Variants in NDST4 observed in about 807,000 individuals in gnomAD.
The protein encoded by NDST4 is N-heparan sulfate sulfotransferase 4.
Under a neutral mutation model 100.8 loss-of-function variants are expected in NDST4, and 63 were observed. That is an observed-to-expected ratio of 0.62 (90% confidence interval 0.51 to 0.77). The LOEUF is 0.77. NDST4 is among the 30% of genes least tolerant of loss of function. NDST4 has a pLI of 0.00. For synonymous variants in NDST4, 377 were observed against 361.8 expected, an observed-to-expected ratio of 1.04 and a Z score of -0.48; for missense variants, 943 against 1,018.4, an observed-to-expected ratio of 0.93 and a Z score of 1.01.
At chr4:114,867,665 C>CAAAAAAAAAAAAAAAAAAAAAAAAAAAA in intron 7 of NDST4, among the ~76,000 whole-genome samples, 112 of 79,740 alleles carry the variant, frequency 1.4e-3, no homozygotes, top group South Asian at 1.7e-3. Flanking sequence ...AAAAAAAAAG[C>CAAAAAAAAAAAAAAAAAAAAAAAAAAAA]AAAAAAAAAA....
At chr4:114,929,101 C>CATCT (rs1560817055) in intron 6 of NDST4, among the ~76,000 whole-genome samples, 12 of 129,752 alleles carry the variant, frequency 9.2e-5, no homozygotes, top group African/African-American at 2.9e-4. Context: ...TCCATCCATC[C>CATCT]ATCCATCCAT....
intron 6 of NDST4, among the ~76,000 whole-genome samples, chr4:114,920,163 G>T (rs1725259279): frequency 1.3e-5 from 2 of 152,098 alleles, no homozygotes; most frequent in African/African-American, 4.8e-5. Context: ...GTATTTTTAA[G>T]ATGCATTCAG....
chr4:115,007,703 A>C (rs894095718), intron 2 of NDST4, among the ~76,000 whole-genome samples: 1 of 129,788 alleles, frequency 7.7e-6, no homozygotes, highest in East Asian at 2.5e-4. Flanking sequence ...AAAACAAACC[A>C]AAATAAAAGA....
intron 4 of NDST4, among the ~76,000 whole-genome samples, chr4:114,952,845 T>A (rs1190610161): frequency 6.6e-6 from 1 of 152,064 alleles, no homozygotes; most frequent in Non-Finnish European, 1.5e-5. Context: ...CACCTCAATT[T>A]TCCATGCTAA....
rs921067335 is a variant in NDST4 at position 115,077,710 on chromosome 4, T to G, written c.-246-428A>C. Among the ~76,000 whole-genome samples, 67 of 152,220 alleles carry G rather than the reference T, an allele frequency of 4.4e-4. 1 individual carries two copies. Among genetic ancestry groups the G allele is most frequent in the Admixed American group, 1.0e-3 (16 of 15,284 alleles). On this transcript the variant is annotated intron_variant, in intron 1 of 13. Coordinates refer to ENST00000264363, the MANE Select transcript of NDST4 (RefSeq NM_022569.3). ...GAGCAATTAAACATGCTCTTAGGTA[T>G]CTGCCTGAGTCTCTGGAATTCCCAG...
intron 1 of NDST4, among the ~76,000 whole-genome samples, chr4:115,086,023 A>G (rs1729403624): frequency 6.6e-6 from 1 of 152,164 alleles, no homozygotes; most frequent in African/African-American, 2.4e-5. Context: ...CATGGTCAAA[A>G]GTGTTTGAGG....
chr4:114,896,208 C>A (rs10008361), intron 6 of NDST4, among the ~76,000 whole-genome samples: 2,779 of 152,158 alleles, frequency 0.018, 93 homozygotes, highest in African/African-American at 0.064. Context: ...GATCATTCAT[C>A]TGTATTTCTT....
chr4:115,108,411 T>C (rs1365474763), intron 1 of NDST4, among the ~76,000 whole-genome samples: 2 of 151,974 alleles, frequency 1.3e-5, no homozygotes, highest in African/African-American at 4.8e-5. Context: ...CCAAAGCATC[T>C]AAATGTGTGA....
intron 10 of NDST4, among the ~76,000 whole-genome samples, chr4:114,845,567 T>C (rs1723529958): frequency 6.6e-6 from 1 of 152,230 alleles, no homozygotes; most frequent in Non-Finnish European, 1.5e-5. Flanking sequence ...TACATGTTTA[T>C]ATAGCTTAGG....
chr4:114,892,121 A>G (rs1448854660), intron 6 of NDST4, among the ~76,000 whole-genome samples: 1 of 152,158 alleles, frequency 6.6e-6, no homozygotes, highest in African/African-American at 2.4e-5. Context: ...GTGTAACCTA[A>G]TATTTTTCCT....
intron 7 of NDST4, 64 bp from the exon 8 acceptor site, chr4:114,852,885 T>G: frequency 2.5e-6 from 3 of 1,180,878 alleles, no homozygotes; most frequent in Non-Finnish European, 3.6e-6. Flanking sequence ...TCTCTAAAAA[T>G]TGTTCAAAAG....
intron 2 of NDST4, among the ~76,000 whole-genome samples, chr4:114,983,104 G>T (rs984273823): frequency 2.0e-5 from 3 of 152,206 alleles, no homozygotes; most frequent in Non-Finnish European, 4.4e-5. Context: ...AAAATCTGCT[G>T]CAGGAGCAGA....
chr4:114,969,262 C>T (rs1189540864), intron 4 of NDST4, among the ~76,000 whole-genome samples: 1 of 141,742 alleles, frequency 7.1e-6, no homozygotes, highest in Non-Finnish European at 1.5e-5. Context: ...TGCAGTGAGC[C>T]GAGATCCCGC....
chr4:115,028,977 C>T (rs988709858), intron 2 of NDST4, among the ~76,000 whole-genome samples: 3 of 151,972 alleles, frequency 2.0e-5, no homozygotes, highest in Admixed American at 6.6e-5. Flanking sequence ...ATTACTGCTC[C>T]AAAACTAAGG....
Position 114,849,211 on chromosome 4 carries a change from C to T in NDST4, c.1817-873G>A, listed in dbSNP as rs149415350. Among the ~76,000 whole-genome samples, 24 of 152,294 alleles carry T rather than the reference C, an allele frequency of 1.6e-4. No individual in the cohort carries two copies. The East Asian group carries it at 3.3e-3, about 21-fold the overall frequency. ...CAAATGTAATCTCTGAACCTTATTT[C>T]CCTCAGAGCCAGGCCGGAGACTGGC... On this transcript the variant is annotated intron_variant, in intron 8 of 13. Coordinates refer to ENST00000264363, the MANE Select transcript of NDST4 (RefSeq NM_022569.3).
rs190344323 is a variant in NDST4, at chr4:115,097,033, G to A, written c.-247+16411C>T. Among the ~76,000 whole-genome samples the A allele has an allele frequency of 5.5e-3, 841 of 152,052 alleles. 6 individuals are homozygous for A. The highest frequency in any genetic ancestry group is 6.8e-3 in the Middle Eastern group (2 of 294). On this transcript the variant is annotated intron_variant, in intron 1 of 13. Transcript: ENST00000264363. ...ATCTTTAGTAAGCTTCTAGGAAATC[G>A]TATATTTCAGTTTCTTTATGACTTA...
rs1726490628 is a variant in NDST4 at position 114,970,568 on chromosome 4, A to G, written c.1083T>C (p.Asp361=). The G allele has an allele frequency of 6.2e-7, 1 of 1,613,594 alleles. No individual in the cohort carries two copies. The highest frequency in any genetic ancestry group is 1.3e-5 in the African/African-American group (1 of 74,940). The part of the protein sequence containing the change: ...KFYHTGTEEE[D]EGDDLLLRSV... ...ACCGAAGTAAAAGGTCATCTCCTTC[A>G]TCTTCCTCTTCAGTCCCTTTAAAAC... Residue 361 remains aspartate, a synonymous_variant, in exon 4 of 14, where the codon GAT becomes GAC. Coordinates refer to ENST00000264363, the MANE Select transcript of NDST4 (RefSeq NM_022569.3).
chr4:114,974,955 G>C (rs1726596720), intron 3 of NDST4, among the ~76,000 whole-genome samples: 1 of 152,138 alleles, frequency 6.6e-6, no homozygotes, highest in South Asian at 2.1e-4. Flanking sequence ...CATTCTGGGA[G>C]AGAACAGAGA....
intron 4 of NDST4, among the ~76,000 whole-genome samples, chr4:114,965,337 A>G (rs1578418018): frequency 6.6e-6 from 1 of 152,068 alleles, no homozygotes; most frequent in Admixed American, 6.6e-5. Flanking sequence ...TGACACATAC[A>G]TAGCTGATTG....
Sources: gnomAD v4.1 joint callset for allele counts (sites outside exome capture counted in the v4.1 genomes callset) on GRCh38, gnomAD v4.1.1 for gene constraint, MANE v1.5 for transcripts, NCBI Gene and HGNC (gene_info 2026-07-23, HGNC 2026-07-21) for gene names.